The following NPAS3 variants were observed in gnomAD, a reference collection of about 807,000 sequenced individuals.
NPAS3 encodes the protein neuronal PAS domain-containing protein 3.
NPAS3 carries 14 observed loss-of-function variants against 73.1 expected under a neutral mutation model. That is an observed-to-expected ratio of 0.19 (90% CI 0.13 to 0.30). The LOEUF is 0.30. Among genes scored for constraint, NPAS3 ranks in the 10% least tolerant of loss-of-function variants. NPAS3 has a pLI of 1.00. For missense variants in NPAS3, 1,096 were observed against 1,250.0 expected (o/e 0.88, Z 1.86); for synonymous variants, 620 against 541.5 (o/e 1.14, Z -2.01).
intron 2 of NPAS3, among the ~76,000 whole-genome samples, chr14:33,159,661 C>T (rs1487518725): frequency 2.7e-5 from 4 of 148,678 alleles, no homozygotes; most frequent in Non-Finnish European, 3.0e-5. Flanking sequence ...TCACACCATT[C>T]TCCTGCCTCA....
At chr14:33,514,057 T>A (rs1468747745) in intron 4 of NPAS3, among the ~76,000 whole-genome samples, 30 of 152,050 alleles carry the variant, frequency 2.0e-4, no homozygotes, top group Admixed American at 2.0e-3. Flanking sequence ...ACAAGTGAAA[T>A]GAGTTTGGTG....
intron 3 of NPAS3, among the ~76,000 whole-genome samples, chr14:33,221,770 T>C (rs535028256): frequency 6.6e-6 from 1 of 152,270 alleles, no homozygotes; most frequent in African/African-American, 2.4e-5. Flanking sequence ...TGTAGCAACA[T>C]TGAGTGGTAA....
At chr14:33,056,933 T>A (rs773102712) in intron 2 of NPAS3, among the ~76,000 whole-genome samples, 1 of 152,222 alleles carries the variant, frequency 6.6e-6, no homozygotes, top group Non-Finnish European at 1.5e-5. Flanking sequence ...ACTCTTAACT[T>A]CTTTTGTAGT....
intron 5 of NPAS3, among the ~76,000 whole-genome samples, chr14:33,664,753 A>G (rs1298352440): frequency 4.6e-5 from 7 of 152,368 alleles, no homozygotes; most frequent in East Asian, 1.9e-4. Context: ...CAAACATATG[A>G]AAAAAGGCTC....
At chr14:33,155,460 A>G (rs1398591397) in intron 2 of NPAS3, among the ~76,000 whole-genome samples, 1 of 152,172 alleles carries the variant, frequency 6.6e-6, no homozygotes, top group Non-Finnish European at 1.5e-5. Context: ...ACACAATCAT[A>G]GTTCACTGCA....
chr14:32,972,634 C>G (rs2037483379), intron 1 of NPAS3, among the ~76,000 whole-genome samples: 1 of 152,194 alleles, frequency 6.6e-6, no homozygotes, highest in Non-Finnish European at 1.5e-5. Flanking sequence ...TCACCCATTG[C>G]TCTCCCTCTT....
At chr14:33,298,730 G>T (rs1352649001) in intron 3 of NPAS3, among the ~76,000 whole-genome samples, 2 of 152,022 alleles carry the variant, frequency 1.3e-5, no homozygotes, top group Admixed American at 1.3e-4. Flanking sequence ...GGGGAAATTC[G>T]TTTAATAAAA....
chr14:33,171,877 G>A (rs781342299), intron 2 of NPAS3, among the ~76,000 whole-genome samples: 2 of 152,104 alleles, frequency 1.3e-5, no homozygotes, highest in Non-Finnish European at 2.9e-5. Context: ...AGAGATGGGT[G>A]ACTCTTCCTT....
chr14:33,257,390 T>TTTCCGTTCCCTTTCCG (rs2139932294), intron 3 of NPAS3, among the ~76,000 whole-genome samples: 1 of 152,300 alleles, frequency 6.6e-6, no homozygotes, highest in African/African-American at 2.4e-5. Context: ...TCTTTGGTAA[T>TTTCCGTTCCCTTTCCG]TTCCGTTCCC....
intron 4 of NPAS3, among the ~76,000 whole-genome samples, chr14:33,518,797 T>A (rs2053428634): frequency 6.6e-6 from 1 of 151,866 alleles, no homozygotes; most frequent in Non-Finnish European, 1.5e-5. Flanking sequence ...CTTCTCCTTC[T>A]TAGAACAATC....
intron 3 of NPAS3, among the ~76,000 whole-genome samples, chr14:33,268,809 C>T (rs554591873): frequency 3.3e-5 from 5 of 152,236 alleles, no homozygotes; most frequent in Admixed American, 6.5e-5. Context: ...AGCTGAAGGA[C>T]GATGTTGATA....
intron 4 of NPAS3, among the ~76,000 whole-genome samples, chr14:33,397,931 G>C (rs1019749635): frequency 6.6e-6 from 1 of 152,104 alleles, no homozygotes; most frequent in African/African-American, 2.4e-5. Flanking sequence ...TTATTTAACT[G>C]AATTCAGTCC....
At chr14:33,384,225 G>T (rs1331509646) in intron 4 of NPAS3, among the ~76,000 whole-genome samples, 1 of 151,884 alleles carries the variant, frequency 6.6e-6, no homozygotes, top group African/African-American at 2.4e-5. Context: ...TAAAATGAAG[G>T]CAACAACCTT....
chr14:33,760,268 A>T (rs1421878860), intron 7 of NPAS3, among the ~76,000 whole-genome samples: 1 of 151,906 alleles, frequency 6.6e-6, no homozygotes, highest in African/African-American at 2.4e-5. Flanking sequence ...TCTCCCTCCT[A>T]CCTGGCTTTC....
At chr14:33,525,016 A>G (rs1042123110) in intron 4 of NPAS3, among the ~76,000 whole-genome samples, 1 of 152,210 alleles carries the variant, frequency 6.6e-6, no homozygotes, top group African/African-American at 2.4e-5. Flanking sequence ...ACTTTAACAT[A>G]TGAATTTGGG....
chr14:33,613,734 T>G (rs1043363069), intron 5 of NPAS3, among the ~76,000 whole-genome samples: 1 of 152,210 alleles, frequency 6.6e-6, no homozygotes, highest in African/African-American at 2.4e-5. Context: ...GGCAGAACTC[T>G]CAATTTACCT....
intron 5 of NPAS3, among the ~76,000 whole-genome samples, chr14:33,668,661 CA>C (rs1266805601): frequency 6.6e-6 from 1 of 152,012 alleles, no homozygotes; most frequent in Non-Finnish European, 1.5e-5. Flanking sequence ...ACTAAAAATA[CA>C]AAAAAATTAG....
At chr14:33,609,818 T>A (rs1470235187) in intron 5 of NPAS3, among the ~76,000 whole-genome samples, 1 of 152,082 alleles carries the variant, frequency 6.6e-6, no homozygotes, top group East Asian at 1.9e-4. Context: ...CAGCGCCGAG[T>A]CTCTGACTCT....
At chr14:33,436,807 A>C (rs899189452) in intron 4 of NPAS3, among the ~76,000 whole-genome samples, 19 of 152,214 alleles carry the variant, frequency 1.2e-4, no homozygotes, top group African/African-American at 4.3e-4. Context: ...CATACATGGA[A>C]ACTGTTCAAC....
Sources: allele counts gnomAD v4.1 joint callset (sites outside exome capture counted in the v4.1 genomes callset), GRCh38; gene constraint gnomAD v4.1.1; transcripts MANE v1.5; gene names NCBI Gene and HGNC (gene_info 2026-07-23, HGNC 2026-07-21).